The following ZNF143 variants were observed in gnomAD, a reference collection of about 807,000 sequenced individuals.
ZNF143 encodes zinc finger protein 143, also known as SPH-binding factor.
In ZNF143, 49 loss-of-function variants were observed where a neutral mutation model predicts 74.1. The observed-to-expected ratio is 0.66, with a 90% CI of 0.53 to 0.84. The LOEUF is 0.84. Among genes scored for constraint, ZNF143 ranks in the 40% least tolerant of loss-of-function variants. The pLI is 0.00. For missense variants in ZNF143, 637 were observed against 793.4 expected, an observed-to-expected ratio of 0.80 and a Z score of 2.37; for synonymous variants, 304 against 282.8, an observed-to-expected ratio of 1.07 and a Z score of -0.75.
At chr11:9,485,347 CTTTTTTTTTTTT>C (rs544497040) in intron 7 of ZNF143, among the ~76,000 whole-genome samples, 1 of 110,446 alleles carries the variant, frequency 9.1e-6, no homozygotes, top group Non-Finnish European at 1.9e-5. Context: ...TTCTCTCTCT[CTTTTTTTTTTTT>C]TTTTTTTTTG....
At chr11:9,524,904 T>G (rs1352472922) in intron 14 of ZNF143, among the ~76,000 whole-genome samples, 1 of 152,168 alleles carries the variant, frequency 6.6e-6, no homozygotes, top group Non-Finnish European at 1.5e-5. Context: ...ACATTTGAGG[T>G]GCAAATTAGT....
intron 1 of ZNF143, among the ~76,000 whole-genome samples, chr11:9,466,864 A>G (rs1239420996): frequency 1.5e-5 from 1 of 68,720 alleles, no homozygotes; most frequent in African/African-American, 3.3e-5. Context: ...AAATATTACA[A>G]TAGAGTAATA....
rs141198559 is a variant in ZNF143, at chr11:9,471,155, C to G, written c.-7-147C>G. ...GCATGCCTTGGACTTTGGGCTAATA[C>G]TCTTACCCTACATATTGAGTGAAAT... On this transcript the variant is annotated intron_variant, in intron 1 of 15. Transcript: ENST00000396602. The G allele has an allele frequency of 9.8e-6, 6 of 614,852 alleles. No homozygotes were observed. The African/African-American group carries it at 1.1e-4, about 12-fold the overall frequency. The allele number at this position is 614,852 out of a possible 1,614,324, so 38.1% of individuals were successfully genotyped here.
At chr11:9,472,596 C>G in intron 2 of ZNF143, 81 bp from the exon 3 acceptor site, 5 of 1,221,210 alleles carry the variant, frequency 4.1e-6, no homozygotes, top group Non-Finnish European at 1.2e-6. Context: ...TACCTTTTTT[C>G]TGATCTTTAT....
intron 1 of ZNF143, among the ~76,000 whole-genome samples, chr11:9,467,160 G>A (rs528141486): frequency 6.6e-6 from 1 of 151,896 alleles, no homozygotes; most frequent in Non-Finnish European, 1.5e-5. Flanking sequence ...CCAAAGTGCT[G>A]GGATTACAGG....
At chr11:9,475,111 C>G (rs1014004913) in intron 5 of ZNF143, among the ~76,000 whole-genome samples, 7 of 152,176 alleles carry the variant, frequency 4.6e-5, no homozygotes, top group Admixed American at 4.6e-4. Flanking sequence ...ATCTCAAACT[C>G]CTGGCCTCAA....
chr11:9,465,649 G>A (rs1350617010), intron 1 of ZNF143, among the ~76,000 whole-genome samples: 2 of 148,040 alleles, frequency 1.4e-5, no homozygotes, highest in Non-Finnish European at 3.0e-5. Flanking sequence ...ATAGGCGCCC[G>A]CCACCACGCC....
chr11:9,470,499 AGGGTAGG>A (rs67880724), intron 1 of ZNF143, among the ~76,000 whole-genome samples: 20,350 of 152,004 alleles, frequency 0.13, 1,526 homozygotes, highest in African/African-American at 0.17. Context: ...AGACTTGAAG[AGGGTAGG>A]GAATGAATAA....
At chr11:9,501,567 G>C (rs11042396) in intron 11 of ZNF143, among the ~76,000 whole-genome samples, 2,831 of 152,264 alleles carry the variant, frequency 0.019, 103 homozygotes, top group African/African-American at 0.064. Context: ...CCATTATATG[G>C]ACAAGATGCT....
chr11:9,508,810 G>A lies in ZNF143; in HGVS notation c.1339G>A (p.Glu447Lys). 1 of 1,603,350 alleles carries A rather than the reference G, an allele frequency of 6.2e-7. No homozygotes were observed. Among genetic ancestry groups the A allele is most frequent in the Non-Finnish European group, 8.5e-7 (1 of 1,174,354 alleles). The change falls in exon 12 of 16, where the codon GAG (glutamate) becomes AAG (lysine). Residue 447 changes from glutamate (E) to lysine (K), a missense_variant. Physicochemically the swap from Glu to Lys is moderately conservative, Grantham distance 56. Around this residue, in one of 2 missense-constraint regions of ZNF143, gnomAD observed 344 missense variants for 485.6 expected, o/e 0.71. Transcript: ENST00000396602. ...RTAHNDTEPI[E>K]EEQEAFFEPP... ...AGCCCACAACGACACTGAGCCCATC[G>A]AGGAGGAGCAGGAAGCCTTCTTTGA...
chr11:9,464,131 T>C (rs927799346), intron 1 of ZNF143, among the ~76,000 whole-genome samples: 3 of 151,446 alleles, frequency 2.0e-5, no homozygotes, highest in Non-Finnish European at 2.9e-5. Context: ...TGTATAGATA[T>C]TAAAAATCCA....
chr11:9,526,290 G>T (rs1849123428), intron 15 of ZNF143, among the ~76,000 whole-genome samples: 2 of 151,968 alleles, frequency 1.3e-5, no homozygotes. Flanking sequence ...GGAGGTTGAG[G>T]CTGCAGTGAG....
intron 1 of ZNF143, among the ~76,000 whole-genome samples, chr11:9,470,219 A>G (rs561292785): frequency 1.3e-4 from 20 of 152,242 alleles, no homozygotes; most frequent in African/African-American, 4.3e-4. Context: ...CCATTCATCC[A>G]TTTATTCTGT....
chr11:9,519,562 A>C (rs998599694), intron 14 of ZNF143, among the ~76,000 whole-genome samples: 2 of 152,304 alleles, frequency 1.3e-5, no homozygotes, highest in Middle Eastern at 3.4e-3. Flanking sequence ...ATGTAATAAC[A>C]GTTCATTCTT....
chr11:9,523,192 G>A (rs994751287), intron 14 of ZNF143, among the ~76,000 whole-genome samples: 2 of 151,926 alleles, frequency 1.3e-5, no homozygotes, highest in Admixed American at 6.6e-5. Flanking sequence ...GTTAAATTAC[G>A]TGTTGTGGCT....
At chr11:9,481,206 A>G (rs1254269962) in intron 7 of ZNF143, among the ~76,000 whole-genome samples, 1 of 152,152 alleles carries the variant, frequency 6.6e-6, no homozygotes, top group Non-Finnish European at 1.5e-5. Context: ...CGGGCAACAA[A>G]GTGAGACTCC....
At chr11:9,467,398 T>A (rs915588294) in intron 1 of ZNF143, among the ~76,000 whole-genome samples, 2 of 152,010 alleles carry the variant, frequency 1.3e-5, no homozygotes, top group East Asian at 3.9e-4. Flanking sequence ...CATACCCGGC[T>A]GATTTTCTTA....
chr11:9,500,143 C>T (rs1184048125), intron 10 of ZNF143, among the ~76,000 whole-genome samples: 1 of 152,022 alleles, frequency 6.6e-6, no homozygotes, highest in Non-Finnish European at 1.5e-5. Flanking sequence ...GACGGGGTTT[C>T]GCCATGTTGC....
chr11:9,514,699 T>C (rs1565063985), intron 13 of ZNF143, among the ~76,000 whole-genome samples: 1 of 152,204 alleles, frequency 6.6e-6, no homozygotes, highest in Non-Finnish European at 1.5e-5. Context: ...GTCATAAAAA[T>C]ACAAGAGAAT....
Sources: gnomAD v4.1 joint callset for allele counts (sites outside exome capture counted in the v4.1 genomes callset) on GRCh38, gnomAD v4.1.1 for gene constraint, gnomAD v4.1.1 regional missense constraint, MANE v1.5 for transcripts, NCBI Gene and HGNC (gene_info 2026-07-23, HGNC 2026-07-21) for gene names.